Variants in PRELID2 observed in about 807,000 individuals in gnomAD.
PRELID2 encodes PRELI domain containing 2, also known as PRELI domain-containing protein 2.
A neutral mutation model predicts 28.4 loss-of-function variants in PRELID2; 25 were observed. The ratio of observed to expected loss-of-function variants is 0.88; its 90% confidence interval spans 0.64 to 1.23. PRELID2 has a LOEUF of 1.23. PRELID2 is among the 50% of genes most tolerant of loss of function. The pLI, the probability that PRELID2 is intolerant of heterozygous loss-of-function variation, is 0.00. For synonymous variants in PRELID2, 76 were observed against 71.6 expected, an observed-to-expected ratio of 1.06 and a Z score of -0.31; for missense variants, 201 against 214.4, an observed-to-expected ratio of 0.94 and a Z score of 0.39.
intron 5 of PRELID2, among the ~76,000 whole-genome samples, chr5:145,787,406 G>C (rs1204154973): frequency 6.6e-5 from 10 of 152,112 alleles, no homozygotes; most frequent in Admixed American, 6.6e-4. Flanking sequence ...GAGATTTTTG[G>C]GGAGTGGGAA....
chr5:145,634,173 G>A (rs1753970412), intron 1 of PRELID2, among the ~76,000 whole-genome samples: 1 of 152,170 alleles, frequency 6.6e-6, no homozygotes, highest in Non-Finnish European at 1.5e-5. Flanking sequence ...AACTGCAATA[G>A]TCTCAAAGTT....
chr5:145,742,115 TAAA>T (rs1756826616), intron 1 of PRELID2, among the ~76,000 whole-genome samples: 1 of 125,582 alleles, frequency 8.0e-6, no homozygotes, highest in African/African-American at 3.0e-5. Flanking sequence ...TATATATAAA[TAAA>T]ATTTATTAAT....
intron 5 of PRELID2, among the ~76,000 whole-genome samples, chr5:145,781,572 ATGTG>A (rs898796373): frequency 2.7e-5 from 4 of 148,980 alleles, no homozygotes; most frequent in African/African-American, 7.4e-5. Context: ...TTATATATGT[ATGTG>A]TGTGTATATA....
At chr5:145,729,979 T>C (rs1253860467) in intron 1 of PRELID2, among the ~76,000 whole-genome samples, 2 of 152,112 alleles carry the variant, frequency 1.3e-5, no homozygotes, top group African/African-American at 4.8e-5. Context: ...AGATTTACAG[T>C]TGTGATGGTT....
intron 4 of PRELID2, among the ~76,000 whole-genome samples, chr5:145,802,901 C>T (rs1753230443): frequency 6.6e-6 from 1 of 152,170 alleles, no homozygotes; most frequent in Admixed American, 6.5e-5. Flanking sequence ...ATCCCCAGAG[C>T]ACGCAGTCAC....
At chr5:145,471,656 C>T (rs759153784), downstream of PRELID2, 6 of 151,932 alleles carry the variant, frequency 3.9e-5, no homozygotes, top group Non-Finnish European at 5.9e-5. Context: ...TCTTGCCTAT[C>T]GGTGTATATA....
chr5:145,519,314 T>A (rs946708158), intron 1 of PRELID2, among the ~76,000 whole-genome samples: 1 of 152,210 alleles, frequency 6.6e-6, no homozygotes, highest in African/African-American at 2.4e-5. Context: ...CTTTAGGATG[T>A]GTATAAATAA....
chr5:145,320,365 GC>G, the PRELID2 span, among the ~76,000 whole-genome samples: 8 of 151,244 alleles, frequency 5.3e-5, no homozygotes, highest in African/African-American at 1.9e-4. Flanking sequence ...CCGCCTCACC[GC>G]TTCACGCCAT....
At chr5:145,229,822 C>T in the PRELID2 span, 1 of 759,710 alleles carries the variant, frequency 1.3e-6, no homozygotes, top group Non-Finnish European at 2.4e-6. Flanking sequence ...TTTGTCCGCC[C>T]CTGCATCGCC....
At chr5:145,349,198 C>T in the PRELID2 span, among the ~76,000 whole-genome samples, 1 of 152,214 alleles carries the variant, frequency 6.6e-6, no homozygotes, top group African/African-American at 2.4e-5. Context: ...TGAAAATACC[C>T]TATGAAGCAT....
chr5:145,712,212 T>C (rs1241049054), intron 1 of PRELID2, among the ~76,000 whole-genome samples: 1 of 152,256 alleles, frequency 6.6e-6, no homozygotes. Flanking sequence ...TATTAAATTA[T>C]ATACACTTAA....
chr5:145,597,989 A>G (rs889032955), intron 1 of PRELID2, among the ~76,000 whole-genome samples: 1 of 152,238 alleles, frequency 6.6e-6, no homozygotes, highest in Admixed American at 6.5e-5. Flanking sequence ...CTATTGGAGA[A>G]AATAAAGCAA....
rs990502607 is a variant in PRELID2, at chr5:145,492,366, A to G, written n.71-19051T>C. 1.0e-4 allele frequency among the ~76,000 whole-genome samples: 10 copies of G among 95,722 alleles called. 3 individuals carry two copies. The highest frequency in any genetic ancestry group is 2.4e-4 in the African/African-American group (8 of 32,930). 62.8% of individuals were successfully genotyped at this position (95,722 alleles called of 152,430 possible). A position where few individuals can be genotyped will look rare whatever the true frequency, so the allele number is the denominator to read the frequency against. On this transcript the variant is annotated intron_variant and non_coding_transcript_variant, in intron 1 of 2. Transcript: ENST00000510259. ...ATTCAGGTCCTTTGCAAAATTTTTA[A>G]TCGAGTCATTTTGTTTTCTTGCTAA...
chr5:145,416,061 T>C, the PRELID2 span, among the ~76,000 whole-genome samples: 1 of 152,152 alleles, frequency 6.6e-6, no homozygotes, highest in African/African-American at 2.4e-5. Flanking sequence ...ATGTGTCTTT[T>C]GGCTGCATAA....
chr5:145,712,822 A>G (rs952589445), intron 1 of PRELID2, among the ~76,000 whole-genome samples: 33 of 152,140 alleles, frequency 2.2e-4, no homozygotes, highest in African/African-American at 7.7e-4. Flanking sequence ...ATTTCAGCAG[A>G]GATGAAAGTT....
intron 1 of PRELID2, among the ~76,000 whole-genome samples, chr5:145,666,493 C>CA (rs1274867506): frequency 2.0e-5 from 3 of 152,000 alleles, no homozygotes; most frequent in Admixed American, 2.0e-4. Context: ...TAAAATATAA[C>CA]AATAACAACT....
the PRELID2 span, among the ~76,000 whole-genome samples, chr5:145,418,149 G>GA: frequency 4.1e-4 from 61 of 149,934 alleles, no homozygotes; most frequent in African/African-American, 9.0e-4. Flanking sequence ...AATTGCTACA[G>GA]AAAAAAAAAT....
chr5:145,555,779 G>T (rs1430255129), intron 1 of PRELID2, among the ~76,000 whole-genome samples: 2 of 152,162 alleles, frequency 1.3e-5, no homozygotes, highest in Non-Finnish European at 2.9e-5. Context: ...GAAACTCACA[G>T]AGAGAAGCAG....
chr5:145,230,550 G>C, the PRELID2 span, among the ~76,000 whole-genome samples: 1 of 152,030 alleles, frequency 6.6e-6, no homozygotes, highest in Non-Finnish European at 1.5e-5. Flanking sequence ...CGGCACTCCA[G>C]CCTGGGCAAC....
Sources: gnomAD v4.1 joint callset for allele counts (sites outside exome capture counted in the v4.1 genomes callset) on GRCh38, gnomAD v4.1.1 for gene constraint, MANE v1.5 for transcripts, NCBI Gene and HGNC (gene_info 2026-07-23, HGNC 2026-07-21) for gene names.